The following DDX47 variants were observed in gnomAD, a reference collection of about 807,000 sequenced individuals.
The protein encoded by DDX47 is DEAD-box helicase 47.
DDX47 carries 60 observed loss-of-function variants against 58.8 expected under a neutral mutation model. That is an observed-to-expected ratio of 1.02 (90% CI 0.83 to 1.26). The LOEUF is 1.26. DDX47 is among the 50% of genes most tolerant of loss of function. The pLI, the probability that DDX47 is intolerant of heterozygous loss-of-function variation, is 0.00. For missense variants in DDX47, 530 were observed against 573.2 expected (o/e 0.92, Z 0.77); for synonymous variants, 197 against 204.6 (o/e 0.96, Z 0.32).
intron 11 of DDX47, among the ~76,000 whole-genome samples, chr12:12,828,572 T>C (rs950890413): frequency 5.3e-5 from 8 of 152,238 alleles, no homozygotes; most frequent in Admixed American, 1.3e-4. Context: ...TTTCTGGAGT[T>C]CTGGTCTGAG....
chr12:12,827,114 G>C (rs758407956), intron 10 of DDX47, 132 bp from the exon 11 acceptor site: 20 of 1,195,224 alleles, frequency 1.7e-5, no homozygotes, highest in Non-Finnish European at 2.1e-5. Context: ...CCCATATTTA[G>C]AAAAGAAATA....
intron 9 of DDX47, 56 bp downstream of exon 9, chr12:12,824,733 T>A: frequency 1.3e-6 from 2 of 1,533,292 alleles, no homozygotes; most frequent in Non-Finnish European, 8.9e-7. Context: ...CTTAATGGAC[T>A]GTCTTCTGTC....
intron 3 of DDX47, 93 bp downstream of exon 3, chr12:12,821,489 A>T (rs1279763675): frequency 1.3e-6 from 2 of 1,508,222 alleles, no homozygotes; most frequent in African/African-American, 2.8e-5. Flanking sequence ...TTGCTAGCAT[A>T]ATTTATTGAC....
intron 7 of DDX47, chr12:12,823,618 C>T: frequency 1.8e-6 from 1 of 549,324 alleles, no homozygotes; most frequent in Non-Finnish European, 3.2e-6. Context: ...GGATGAAGCC[C>T]CTGGTTTTGT....
intron 10 of DDX47, 95 bp from the exon 11 acceptor site, chr12:12,827,151 G>A (rs1863063520): frequency 2.1e-6 from 3 of 1,416,514 alleles, no homozygotes; most frequent in Admixed American, 4.3e-5. Flanking sequence ...TTAAACCTAT[G>A]GTTCCTATTG....
In DDX47 at chr12:12,821,218, C is replaced by G. The variant is rs369822703; in HGVS notation, c.192C>G (p.Ile64Met). The change falls in exon 3 of 12, where the codon ATC becomes ATG. Residue 64 changes from isoleucine (I) to methionine (M), a missense_variant. Physicochemically the swap from Ile to Met is conservative, Grantham distance 10. Transcript: ENST00000358007. Reference sequence around the variant, plus strand: ...TTCTTTTTCTTTTAGGTCGTGATATCATTGGGCTTGCAGAAACTGGCTCTG... The same window carrying G: ...TTCTTTTTCTTTTAGGTCGTGATATGATTGGGCTTGCAGAAACTGGCTCTG... Reference protein sequence around the residue: ...AIPLALQGRDIIGLAETGSGK... With the variant: ...AIPLALQGRDMIGLAETGSGK... The G allele has an allele frequency of 2.5e-6, 4 of 1,614,072 alleles. No homozygotes were observed. The highest frequency in any genetic ancestry group is 3.4e-6 in the Non-Finnish European group (4 of 1,180,046).
At chr12:12,823,043 A>G (rs1033876603) in intron 6 of DDX47, among the ~76,000 whole-genome samples, 160 bp from the exon 7 acceptor site, 1 of 152,200 alleles carries the variant, frequency 6.6e-6, no homozygotes, top group Non-Finnish European at 1.5e-5. Flanking sequence ...GCAATGGGGA[A>G]AACCACCTCT....
At chr12:12,816,328 T>G (rs1186304592) in intron 2 of DDX47, among the ~76,000 whole-genome samples, 8 of 152,028 alleles carry the variant, frequency 5.3e-5, no homozygotes, top group Admixed American at 1.3e-4. Context: ...TATTTGAAAA[T>G]TGCTAGGAGA....
intron 2 of DDX47, among the ~76,000 whole-genome samples, chr12:12,820,068 G>A (rs774043931): frequency 6.6e-6 from 1 of 152,198 alleles, no homozygotes; most frequent in Non-Finnish European, 1.5e-5. Context: ...AGCAACTGTA[G>A]GGGTCATGAT....
chr12:12,813,510 A>G, intron 1 of DDX47, 56 bp downstream of exon 1: 4 of 1,448,016 alleles, frequency 2.8e-6, no homozygotes, highest in South Asian at 1.2e-5. Flanking sequence ...GCTCAGGGAG[A>G]CCCCAGGTAC....
intron 2 of DDX47, among the ~76,000 whole-genome samples, chr12:12,816,489 T>G (rs1862899849): frequency 6.6e-6 from 1 of 152,070 alleles, no homozygotes. Flanking sequence ...TTAACAAAAC[T>G]GGGGGACAAT....
intron 10 of DDX47, among the ~76,000 whole-genome samples, chr12:12,826,588 C>G (rs1863054436): frequency 6.6e-6 from 1 of 151,830 alleles, no homozygotes; most frequent in Non-Finnish European, 1.5e-5. Flanking sequence ...GCTGGGACCA[C>G]AGGTGCATGC....
chr12:12,816,642 T>C (rs1228161727), intron 2 of DDX47, among the ~76,000 whole-genome samples: 1 of 151,988 alleles, frequency 6.6e-6, no homozygotes, highest in Non-Finnish European at 1.5e-5. Flanking sequence ...CAGAGGAAAA[T>C]TGGAAGATTC....
Position 12,827,298 on chromosome 12 carries a change from C to G in DDX47, c.1159C>G (p.Pro387Ala). 1 of 1,614,108 alleles carries G rather than the reference C, an allele frequency of 6.2e-7. No individual in the cohort carries two copies. The highest frequency in any genetic ancestry group is 8.5e-7 in the Non-Finnish European group (1 of 1,180,012). Reference sequence around the variant, plus strand: ...AGAACACTTAATTGGGAAGAAACTACCAGGTTTTCCAACACAGGATGATGA... The same window carrying G: ...AGAACACTTAATTGGGAAGAAACTAGCAGGTTTTCCAACACAGGATGATGA... The part of the protein sequence containing the change: ...RIEHLIGKKL[P>A]GFPTQDDEVM... The change falls in exon 11 of 12, where the codon CCA becomes GCA. Residue 387 changes from proline (P) to alanine (A), a missense_variant. Pro to Ala is a conservative substitution (Grantham distance 27). Transcript: ENST00000358007.
At position 12,814,172 on chromosome 12, in the gene DDX47, A is replaced by C. The variant is rs751015975; in HGVS notation, c.129A>C (p.Gly43=). Residue 43 remains glycine (G), a synonymous_variant, in exon 2 of 12, where the codon GGA becomes GGC. Coordinates refer to ENST00000358007, the MANE Select transcript of DDX47 (RefSeq NM_016355.4). ...TGTGTGAAGCTTGTGACCAGTTGGG[A>C]TGGACAAAACCCACCAAGATCCAGA... ...DVLCEACDQL[G]WTKPTKIQIE... The C allele has an allele frequency of 6.2e-7, 1 of 1,613,848 alleles. No homozygotes were observed. Among genetic ancestry groups the C allele is most frequent in the African/African-American group, 1.3e-5 (1 of 74,910 alleles).
At chr12:12,816,402 G>A (rs888084015) in intron 2 of DDX47, among the ~76,000 whole-genome samples, 2 of 152,120 alleles carry the variant, frequency 1.3e-5, no homozygotes, top group African/African-American at 4.8e-5. Context: ...ATGTTAATGA[G>A]CTTGATTTAA....
intron 11 of DDX47, among the ~76,000 whole-genome samples, chr12:12,827,628 A>G (rs1863072132): frequency 6.6e-6 from 1 of 152,184 alleles, no homozygotes; most frequent in Non-Finnish European, 1.5e-5. Context: ...ACGTGGTGAG[A>G]TAGTTCATCA....
At chr12:12,819,675 G>A (rs1862942398) in intron 2 of DDX47, among the ~76,000 whole-genome samples, 2 of 152,098 alleles carry the variant, frequency 1.3e-5, no homozygotes, top group Non-Finnish European at 2.9e-5. Flanking sequence ...TTTACTATAG[G>A]AATCTTAAGT....
chr12:12,814,546 T>C (rs940506610), intron 2 of DDX47: 4 of 262,282 alleles, frequency 1.5e-5, no homozygotes, highest in East Asian at 1.0e-4. Flanking sequence ...GGAACACATA[T>C]GTGTGTCTTG....
Sources: gnomAD v4.1 joint callset for allele counts (sites outside exome capture counted in the v4.1 genomes callset) on GRCh38, gnomAD v4.1.1 for gene constraint, MANE v1.5 for transcripts, NCBI Gene and HGNC (gene_info 2026-07-23, HGNC 2026-07-21) for gene names.